The following CAMKMT variants were observed in gnomAD, a reference collection of about 807,000 sequenced individuals.
The protein encoded by CAMKMT is CaM KMT.
CAMKMT carries 53 observed loss-of-function variants against 48.0 expected under a neutral mutation model. The ratio of observed to expected loss-of-function variants is 1.10; its 90% CI spans 0.89 to 1.39. The LOEUF (loss-of-function observed/expected upper bound fraction) is 1.39. Among genes scored for constraint, CAMKMT ranks in the 40% most tolerant of loss-of-function variants. CAMKMT has a pLI of 0.00. For synonymous variants in CAMKMT, 165 were observed against 152.3 expected (o/e 1.08, Z -0.61); for missense variants, 428 against 402.7 (o/e 1.06, Z -0.54).
chr2:44,571,085 G>C (rs1217056431), intron 3 of CAMKMT, among the ~76,000 whole-genome samples: 3 of 152,158 alleles, frequency 2.0e-5, no homozygotes, highest in African/African-American at 7.2e-5. Context: ...AATTTTATTA[G>C]GATCAAGACA....
chr2:44,720,246 C>G (rs1678394632), intron 7 of CAMKMT, among the ~76,000 whole-genome samples: 1 of 152,128 alleles, frequency 6.6e-6, no homozygotes, highest in Non-Finnish European at 1.5e-5. Flanking sequence ...AAACTACAGT[C>G]AATTAAAAAT....
Position 44,772,009 on chromosome 2 carries a change from C to T in CAMKMT, c.895-27C>T, listed in dbSNP as rs773285459. 4 of 1,542,340 alleles carry T rather than the reference C, an allele frequency of 2.6e-6. No homozygotes were observed. In the East Asian group the frequency reaches 9.0e-5, roughly 35 times the overall value. On this transcript the variant is annotated intron_variant, in intron 10 of 10. Transcript: ENST00000378494. ...AAGATCCCTAATTGGAGTCCCCTTACCTTTTTCTTTCTATTATTGTTTTCA... is the reference window on the plus strand; with the variant it reads ...AAGATCCCTAATTGGAGTCCCCTTATCTTTTTCTTTCTATTATTGTTTTCA...
chr2:44,447,174 T>A (rs1336116152), intron 3 of CAMKMT, among the ~76,000 whole-genome samples: 1 of 152,226 alleles, frequency 6.6e-6, no homozygotes, highest in Non-Finnish European at 1.5e-5. Flanking sequence ...ATAAGGAAAC[T>A]GAGGTTCCTA....
At chr2:44,367,861 A>G (rs1438156366) in intron 1 of CAMKMT, among the ~76,000 whole-genome samples, 1 of 152,248 alleles carries the variant, frequency 6.6e-6, no homozygotes, top group Non-Finnish European at 1.5e-5. Flanking sequence ...CAGGGCATCT[A>G]GCTACTCTTC....
intron 1 of CAMKMT, among the ~76,000 whole-genome samples, chr2:44,362,898 A>C (rs1320497705): frequency 6.6e-6 from 1 of 152,178 alleles, no homozygotes; most frequent in Admixed American, 6.5e-5. Flanking sequence ...TCACTTCTTG[A>C]AGTGAAGTCT....
intron 3 of CAMKMT, among the ~76,000 whole-genome samples, chr2:44,621,902 T>G (rs1672215955): frequency 6.6e-6 from 1 of 152,178 alleles, no homozygotes; most frequent in African/African-American, 2.4e-5. Flanking sequence ...TTAGAGATGA[T>G]AGTCATTTGG....
chr2:44,684,661 G>T (rs1676233537), intron 3 of CAMKMT, among the ~76,000 whole-genome samples: 2 of 152,100 alleles, frequency 1.3e-5, no homozygotes, highest in South Asian at 4.1e-4. Context: ...CAAAGCAAAA[G>T]GATTGATTTA....
intron 3 of CAMKMT, among the ~76,000 whole-genome samples, chr2:44,493,607 T>C (rs1417415532): frequency 6.6e-6 from 1 of 152,110 alleles, no homozygotes; most frequent in East Asian, 1.9e-4. Context: ...GATAAAGACA[T>C]TTTTGACCAC....
intron 3 of CAMKMT, among the ~76,000 whole-genome samples, chr2:44,421,019 A>G (rs1276859224): frequency 1.3e-5 from 2 of 152,130 alleles, no homozygotes; most frequent in Non-Finnish European, 2.9e-5. Flanking sequence ...TCTGCTATAT[A>G]TTTCCTTTGA....
chr2:44,566,939 A>G (rs367983241), intron 3 of CAMKMT, among the ~76,000 whole-genome samples: 39 of 152,308 alleles, frequency 2.6e-4, no homozygotes, highest in South Asian at 2.1e-3. Flanking sequence ...TCAGGGAGAT[A>G]AGAGTCTATG....
intron 3 of CAMKMT, among the ~76,000 whole-genome samples, chr2:44,579,441 A>G (rs1669417414): frequency 6.6e-6 from 1 of 152,216 alleles, no homozygotes; most frequent in Non-Finnish European, 1.5e-5. Context: ...TCCCTGAATA[A>G]AAATGAACCC....
intron 2 of CAMKMT, among the ~76,000 whole-genome samples, chr2:44,380,833 A>G (rs982003701): frequency 3.3e-5 from 5 of 152,150 alleles, no homozygotes; most frequent in African/African-American, 1.2e-4. Flanking sequence ...ACCCCCTTAA[A>G]AAGGTCATAT....
chr2:44,426,313 A>G (rs192372305), intron 3 of CAMKMT, among the ~76,000 whole-genome samples: 7 of 152,346 alleles, frequency 4.6e-5, no homozygotes, highest in East Asian at 1.9e-4. Context: ...CTCCTATTCA[A>G]TTTAGTACTG....
intron 3 of CAMKMT, among the ~76,000 whole-genome samples, chr2:44,519,557 A>C (rs752226668): frequency 6.6e-6 from 1 of 152,240 alleles, no homozygotes; most frequent in African/African-American, 2.4e-5. Context: ...GGATAATTTC[A>C]TAAAGATAAT....
intron 3 of CAMKMT, among the ~76,000 whole-genome samples, chr2:44,545,553 T>G (rs1667349880): frequency 6.6e-6 from 1 of 152,090 alleles, no homozygotes; most frequent in Non-Finnish European, 1.5e-5. Context: ...TTTTGTTTTG[T>G]TTTTGTTTTT....
intron 3 of CAMKMT, among the ~76,000 whole-genome samples, chr2:44,563,599 A>T (rs1668444956): frequency 6.6e-6 from 1 of 152,090 alleles, no homozygotes; most frequent in Non-Finnish European, 1.5e-5. Flanking sequence ...CGTTAGGTAT[A>T]TCTCCTAATG....
chr2:44,613,481 C>T (rs927405474), intron 3 of CAMKMT, among the ~76,000 whole-genome samples: 3 of 152,136 alleles, frequency 2.0e-5, no homozygotes, highest in African/African-American at 7.2e-5. Context: ...GGACTGTATG[C>T]TGTGCCAGTT....
At chr2:44,600,083 G>A (rs376121108) in intron 3 of CAMKMT, among the ~76,000 whole-genome samples, 1 of 151,946 alleles carries the variant, frequency 6.6e-6, no homozygotes, top group African/African-American at 2.4e-5. Context: ...TCTTAGAAAG[G>A]CTGTTAGTTA....
At chr2:44,590,555 CCTTT>C (rs1670199346) in intron 3 of CAMKMT, among the ~76,000 whole-genome samples, 1 of 152,076 alleles carries the variant, frequency 6.6e-6, no homozygotes, top group Admixed American at 6.5e-5. Context: ...TAAATGTCTT[CCTTT>C]GAGAAGTGTC....
Sources: gnomAD v4.1 joint callset for allele counts (sites outside exome capture counted in the v4.1 genomes callset) on GRCh38, gnomAD v4.1.1 for gene constraint, MANE v1.5 for transcripts, NCBI Gene and HGNC (gene_info 2026-07-23, HGNC 2026-07-21) for gene names.